The following ERMARD variants were observed in gnomAD, a reference collection of about 807,000 sequenced individuals.
ERMARD encodes the protein endoplasmic reticulum membrane-associated RNA degradation protein.
In ERMARD, 71 loss-of-function variants were observed where a neutral mutation model predicts 83.9. That is an observed-to-expected ratio of 0.85 (90% confidence interval 0.70 to 1.03). The LOEUF (loss-of-function observed/expected upper bound fraction) is 1.03. ERMARD is among the 50% of genes least tolerant of loss of function. The pLI, the probability that ERMARD is intolerant of heterozygous loss-of-function variation, is 0.00. For missense variants in ERMARD, 838 were observed against 810.9 expected, an observed-to-expected ratio of 1.03 and a Z score of -0.41; for synonymous variants, 284 against 298.6, an observed-to-expected ratio of 0.95 and a Z score of 0.50.
At chr6:169,755,453 A>G in intron 3 of ERMARD, 31 bp downstream of exon 3, 2 of 1,612,734 alleles carry the variant, frequency 1.2e-6, no homozygotes, top group Non-Finnish European at 1.7e-6. Flanking sequence ...TTAGAAATAA[A>G]AGACTGTGCG....
intron 10 of ERMARD, chr6:169,767,780 C>CACAG (rs1185340700): frequency 2.8e-6 from 1 of 351,748 alleles, no homozygotes; most frequent in African/African-American, 2.1e-5. Flanking sequence ...CACACACACA[C>CACAG]AGGCACAGTT....
intron 11 of ERMARD, among the ~76,000 whole-genome samples, chr6:169,768,671 G>A (rs562524879): frequency 1.3e-5 from 2 of 152,062 alleles, no homozygotes; most frequent in African/African-American, 4.8e-5. Context: ...AGGCTGAGGC[G>A]AGGAAAATGG....
intron 17 of ERMARD, among the ~76,000 whole-genome samples, chr6:169,780,608 G>A (rs561050127): frequency 1.3e-5 from 2 of 152,298 alleles, no homozygotes; most frequent in Non-Finnish European, 2.9e-5. Context: ...CCTCCATCAC[G>A]GGGGATGGAA....
chr6:169,757,523 C>T (rs1195569845), intron 5 of ERMARD, among the ~76,000 whole-genome samples: 2 of 152,014 alleles, frequency 1.3e-5, no homozygotes, highest in Non-Finnish European at 2.9e-5. Flanking sequence ...CTTTTGAAAC[C>T]ATTTAAACTT....
intron 16 of ERMARD, among the ~76,000 whole-genome samples, chr6:169,778,962 C>T (rs201973783): frequency 4.6e-5 from 7 of 152,308 alleles, no homozygotes; most frequent in Admixed American, 1.3e-4. Context: ...GCAAGAAATG[C>T]GGACGTGCAG....
intron 6 of ERMARD, among the ~76,000 whole-genome samples, chr6:169,759,362 G>A (rs922431604): frequency 6.6e-6 from 1 of 152,172 alleles, no homozygotes; most frequent in African/African-American, 2.4e-5. Context: ...CAGAGTGTCT[G>A]TGGTGCTGTT....
At position 169,775,268 on chromosome 6, in the gene ERMARD, A is replaced by T; in HGVS notation, c.1318-2A>T. On this transcript the variant is annotated splice_acceptor_variant, in intron 13 of 17. Transcript: ENST00000366773. LOFTEE classifies it high-confidence loss of function. ...CAAAAGCAATAAAACATTTCCTCCC[A>T]GGTGCTGAGCTGTGAGGAGAGCATC... 2 of 1,613,966 alleles carry T rather than the reference A, an allele frequency of 1.2e-6. No homozygotes were observed. Among genetic ancestry groups the T allele is most frequent in the South Asian group, 2.2e-5 (2 of 90,964 alleles).
In ERMARD at chr6:169,753,965, C is replaced by A; in HGVS notation, c.108C>A (p.Ser36Arg). ...TCAGAGAAAATTGTGATATCAATAG[C>A]ATTGTAACTCAGAATGGTGAAGTAT... is the stretch of plus-strand genomic sequence containing the variant. Reference protein sequence around the residue: ...FQLRENCDINSIVTQNGEVCW... With the variant: ...FQLRENCDINRIVTQNGEVCW... The change falls in exon 2 of 18, where the codon AGC (serine) becomes AGA (arginine). Residue 36 changes from serine (S) to arginine (R), a missense_variant. Physicochemically the swap from Ser to Arg is moderately radical, Grantham distance 110. Coordinates refer to ENST00000366773, the MANE Select transcript of ERMARD (RefSeq NM_018341.3). 1 of 1,613,508 alleles carries A rather than the reference C, an allele frequency of 6.2e-7. No individual in the cohort carries two copies. The highest frequency in any genetic ancestry group is 8.5e-7 in the Non-Finnish European group (1 of 1,179,618).
chr6:169,766,900 A>G (rs1792283098), intron 10 of ERMARD: 1 of 440,482 alleles, frequency 2.3e-6, no homozygotes, highest in Non-Finnish European at 4.0e-6. Flanking sequence ...GGAAAATACC[A>G]AGGGATCTAA....
intron 8 of ERMARD, among the ~76,000 whole-genome samples, chr6:169,761,714 A>T (rs1462028226): frequency 7.6e-6 from 1 of 131,922 alleles, no homozygotes. Flanking sequence ...ACAGAGTCTC[A>T]CTGTGTCACC....
At chr6:169,754,172 A>G (rs1790505309) in intron 2 of ERMARD, 140 bp downstream of exon 2, 2 of 784,992 alleles carry the variant, frequency 2.5e-6, no homozygotes, top group African/African-American at 1.7e-5. Context: ...GAGAACAGGA[A>G]TCAATGTGAA....
At chr6:169,751,776 G>T in intron 1 of ERMARD, 113 bp downstream of exon 1, 1 of 1,388,236 alleles carries the variant, frequency 7.2e-7, no homozygotes, top group Non-Finnish European at 9.4e-7. Flanking sequence ...TGCGGTGGCC[G>T]GCGGTCCCGC....
chr6:169,773,403 G>A lies in ERMARD; in HGVS notation c.1317+1G>A, dbSNP rs369772652. 3.1e-6 allele frequency: 5 copies of A among 1,614,010 alleles called. No homozygotes were observed. Among genetic ancestry groups the A allele is most frequent in the Non-Finnish European group, 4.2e-6 (5 of 1,180,004 alleles). On this transcript the variant is annotated splice_donor_variant, in intron 13 of 17. Coordinates refer to ENST00000366773, the MANE Select transcript of ERMARD (RefSeq NM_018341.3). LOFTEE classifies it high-confidence loss of function. Reference sequence around the variant, plus strand: ...TCCGGTTTTTCAGCTTAAAAAACAGGTATGCCAAATGCAGGGTCCCGGGAG... The same window carrying A: ...TCCGGTTTTTCAGCTTAAAAAACAGATATGCCAAATGCAGGGTCCCGGGAG...
At chr6:169,757,056 A>G (rs538501596) in intron 5 of ERMARD, among the ~76,000 whole-genome samples, 2 of 152,284 alleles carry the variant, frequency 1.3e-5, no homozygotes, top group South Asian at 2.1e-4. Context: ...CTTATTCACT[A>G]TCATGAGAAT....
intron 7 of ERMARD, 103 bp downstream of exon 7, chr6:169,760,077 T>G (rs1791344012): frequency 1.3e-6 from 2 of 1,544,626 alleles, no homozygotes; most frequent in African/African-American, 2.7e-5. Flanking sequence ...GTGAAGTAGT[T>G]GTTCTTCAGT....
intron 12 of ERMARD, 165 bp from the exon 13 acceptor site, chr6:169,773,154 C>G (rs895925793): frequency 3.6e-6 from 2 of 549,242 alleles, no homozygotes; most frequent in Admixed American, 3.5e-5. Context: ...TGTCATTTGC[C>G]TGCCATGTCA....
chr6:169,751,328 T>G, upstream of ERMARD: 2 of 1,613,004 alleles, frequency 1.2e-6, no homozygotes, highest in Non-Finnish European at 1.7e-6. Context: ...CCTAGCAGTC[T>G]CCGCACTCAC....
At chr6:169,759,465 G>A (rs577822104) in intron 6 of ERMARD, among the ~76,000 whole-genome samples, 22 of 151,786 alleles carry the variant, frequency 1.4e-4, no homozygotes, top group Non-Finnish European at 1.9e-4. Flanking sequence ...TGTCACCCAC[G>A]CTGGAGTGCC....
rs1029178149 is a variant in ERMARD, at chr6:169,756,882, T to C, written c.507+74T>C. 3.7e-6 allele frequency: 5 copies of C among 1,355,840 alleles called. No individual in the cohort carries two copies. In the African/African-American group the frequency reaches 7.3e-5, roughly 20 times the overall value. The allele number at this position is 1,355,840 out of a possible 1,614,324, so 84.0% of individuals were successfully genotyped here. ...CTGCTGTTAAAGACATACCCAAGAC[T>C]AGGAAGAGAAAGAGGTTTAATTGGA... On this transcript the variant is annotated intron_variant, in intron 5 of 17. Transcript: ENST00000366773.
Sources: allele counts gnomAD v4.1 joint callset (sites outside exome capture counted in the v4.1 genomes callset), GRCh38; gene constraint gnomAD v4.1.1; transcripts MANE v1.5; gene names NCBI Gene and HGNC (gene_info 2026-07-23, HGNC 2026-07-21).